Variants in OGFOD1 observed in about 807,000 individuals in gnomAD.
OGFOD1 encodes the protein prolyl 3-hydroxylase OGFOD1.
Under a neutral mutation model 67.7 loss-of-function variants are expected in OGFOD1, and 54 were observed. The ratio of observed to expected loss-of-function variants is 0.80; its 90% CI spans 0.64 to 1.00. The LOEUF is 1.00. OGFOD1 is among the 50% of genes least tolerant of loss of function. The pLI, the probability that OGFOD1 is intolerant of heterozygous loss-of-function variation, is 0.00. For synonymous variants in OGFOD1, 221 were observed against 227.0 expected, an observed-to-expected ratio of 0.97 and a Z score of 0.24; for missense variants, 606 against 646.7, an observed-to-expected ratio of 0.94 and a Z score of 0.68.
chr16:56,467,757 G>A, intron 7 of OGFOD1, 148 bp from the exon 8 acceptor site: 1 of 649,814 alleles, frequency 1.5e-6, no homozygotes, highest in Non-Finnish European at 2.7e-6. Context: ...TTTTGAGAGT[G>A]TCTTTCTCAA....
At chr16:56,454,214 G>A (rs1962434483) in intron 2 of OGFOD1, among the ~76,000 whole-genome samples, 1 of 152,096 alleles carries the variant, frequency 6.6e-6, no homozygotes, top group African/African-American at 2.4e-5. Flanking sequence ...TGGGTATGGT[G>A]GCATGTACCT....
rs752155755 is a variant in OGFOD1, at chr16:56,470,051, G to T, written c.949G>T (p.Glu317Ter). The part of the protein sequence containing the change: ...VCEALEHGHV[E>*]WSSRGPPNKR... Reference sequence around the variant, plus strand: ...TGAGGCCTTGGAGCATGGACATGTGGAATGGAGCAGCCGAGGTCCCCCTAA... The same window carrying T: ...TGAGGCCTTGGAGCATGGACATGTGTAATGGAGCAGCCGAGGTCCCCCTAA... Residue 317 changes from glutamate to a stop codon, truncating the protein, a stop_gained, in exon 9 of 13, where the codon GAA becomes TAA. Transcript: ENST00000566157. LOFTEE classifies it high-confidence loss of function. The T allele has an allele frequency of 6.2e-7, 1 of 1,614,058 alleles. No individual in the cohort carries two copies. The highest frequency in any genetic ancestry group is 8.5e-7 in the Non-Finnish European group (1 of 1,180,010).
At position 56,467,618 on chromosome 16, in the gene OGFOD1, G is replaced by C. The variant is rs1051120071; in HGVS notation, c.787-287G>C. Among the ~76,000 whole-genome samples, 4 of 151,768 alleles carry C rather than the reference G, an allele frequency of 2.6e-5. No homozygotes were observed. The East Asian group carries it at 7.7e-4, about 29-fold the overall frequency. On this transcript the variant is annotated intron_variant, in intron 7 of 12. Transcript: ENST00000566157. ...ATTTTCATATTTTTAGTAGAGAAAG[G>C]GTTTCACCATGTTGGCCAGGCTGAT...
chr16:56,469,955 G>A, intron 8 of OGFOD1, 48 bp from the exon 9 acceptor site: 1 of 1,531,592 alleles, frequency 6.5e-7, no homozygotes, highest in South Asian at 1.1e-5. Flanking sequence ...ACCAGTGCGG[G>A]GTAATAGGGA....
intron 3 of OGFOD1, among the ~76,000 whole-genome samples, chr16:56,459,501 A>G (rs1962640685): frequency 6.6e-6 from 1 of 152,220 alleles, no homozygotes; most frequent in Non-Finnish European, 1.5e-5. Context: ...TAAAGTGGAA[A>G]CTATACAACC....
At chr16:56,452,226 T>C (rs1962362747) in intron 1 of OGFOD1, 1 of 157,696 alleles carries the variant, frequency 6.3e-6, no homozygotes, top group Non-Finnish European at 1.4e-5. Flanking sequence ...TAAGGCCCAA[T>C]ACACATGTGG....
At chr16:56,465,702 T>C (rs1253129386) in intron 4 of OGFOD1, 3 of 153,126 alleles carry the variant, frequency 2.0e-5, no homozygotes, top group African/African-American at 7.2e-5. Flanking sequence ...AAATAGAAAA[T>C]CTATTAAGGG....
chr16:56,468,312 A>C (rs1395583804), intron 8 of OGFOD1, among the ~76,000 whole-genome samples: 3 of 152,204 alleles, frequency 2.0e-5, no homozygotes, highest in Non-Finnish European at 4.4e-5. Flanking sequence ...CTTTCTATTC[A>C]TCTAACAAAT....
chr16:56,453,557 C>A, intron 2 of OGFOD1, 149 bp downstream of exon 2: 1 of 682,204 alleles, frequency 1.5e-6, no homozygotes, highest in Non-Finnish European at 2.4e-6. Flanking sequence ...TTCATTTAAC[C>A]AAGCTTACTG....
chr16:56,468,364 T>G (rs1962991519), intron 8 of OGFOD1, among the ~76,000 whole-genome samples: 2 of 152,186 alleles, frequency 1.3e-5, no homozygotes, highest in African/African-American at 4.8e-5. Flanking sequence ...TACTAATAGA[T>G]CAATATCTGT....
intron 5 of OGFOD1, 103 bp downstream of exon 5, chr16:56,466,371 C>A: frequency 1.4e-6 from 1 of 703,102 alleles, no homozygotes; most frequent in South Asian, 1.8e-5. Context: ...CTGTACTCCT[C>A]AAAGGAAGTG....
At chr16:56,458,767 G>A in intron 3 of OGFOD1, 173 bp downstream of exon 3, 1 of 587,378 alleles carries the variant, frequency 1.7e-6, no homozygotes, top group Non-Finnish European at 3.0e-6. Flanking sequence ...AATTAAGGGA[G>A]CTAGCATACA....
chr16:56,465,862 A>G (rs1962874642), intron 4 of OGFOD1: 1 of 260,200 alleles, frequency 3.8e-6, no homozygotes, highest in African/African-American at 2.3e-5. Context: ...TTTTTTTTAA[A>G]GTAAATACAT....
In OGFOD1 at chr16:56,462,632, C is replaced by G; in HGVS notation, c.446C>G (p.Thr149Ser). The change falls in exon 4 of 13, where the codon ACT (threonine) becomes AGT (serine). Residue 149 changes from threonine (T) to serine (S), a missense_variant and splice_region_variant. By Grantham distance (58) the Thr-to-Ser change is moderately conservative. Transcript: ENST00000566157. ...ATGTCCTGTGCTAAATATGAATTCA[C>G]TGGTAAGGAAGATAAAGGCCTGGTG... ...IDMSCAKYEF[T>S]DALLCHDDEL... is the part of the protein sequence containing the mutation. 6.3e-7 allele frequency: 1 copy of G among 1,575,836 alleles called. No individual in the cohort carries two copies.
At chr16:56,471,116 C>T (rs1340997365) in intron 10 of OGFOD1, among the ~76,000 whole-genome samples, 2 of 151,532 alleles carry the variant, frequency 1.3e-5, no homozygotes, top group African/African-American at 2.4e-5. Flanking sequence ...CTTTTGGAGG[C>T]GGAGGCAGTC....
At chr16:56,471,480 T>TA (rs1268152343) in intron 10 of OGFOD1, among the ~76,000 whole-genome samples, 1 of 152,200 alleles carries the variant, frequency 6.6e-6, no homozygotes, top group Non-Finnish European at 1.5e-5. Flanking sequence ...CCTAAGAATT[T>TA]AAGAGGTAAC....
chr16:56,473,360 T>C (rs1460558139), intron 10 of OGFOD1, among the ~76,000 whole-genome samples: 1 of 152,256 alleles, frequency 6.6e-6, no homozygotes, highest in African/African-American at 2.4e-5. Context: ...TTGCAATCTA[T>C]TGGATCAGAT....
intron 4 of OGFOD1, chr16:56,465,522 C>G (rs1261772756): frequency 6.6e-6 from 1 of 152,276 alleles, no homozygotes; most frequent in Non-Finnish European, 1.5e-5. Context: ...TTCACCATAG[C>G]CTTCCCTCCC....
chr16:56,454,657 A>G lies in OGFOD1; in HGVS notation c.300+1249A>G, dbSNP rs1445706386. 16 of 344,302 alleles carry G rather than the reference A, an allele frequency of 4.6e-5. No homozygotes were observed. In the Admixed American group the frequency reaches 4.7e-4, roughly 10 times the overall value. The allele number at this position is 344,302 out of a possible 1,614,324, so 21.3% of individuals were successfully genotyped here. A position where few individuals can be genotyped will look rare whatever the true frequency, so the allele number is the denominator to read the frequency against. ...CTGTGCTTCAAATTGGGGGGGGAAA[A>G]AAAAAAGAAAGATTAAAAAGATGAA... On this transcript the variant is annotated intron_variant, in intron 2 of 12. Transcript: ENST00000566157.
Sources: gnomAD v4.1 joint callset for allele counts (sites outside exome capture counted in the v4.1 genomes callset) on GRCh38, gnomAD v4.1.1 for gene constraint, MANE v1.5 for transcripts, NCBI Gene and HGNC (gene_info 2026-07-23, HGNC 2026-07-21) for gene names.